KCNK2: variants seen among roughly 807,000 people sequenced by gnomAD.
KCNK2 encodes potassium channel subfamily K member 2.
In KCNK2, 21 loss-of-function variants were observed where a neutral mutation model predicts 40.5. The observed-to-expected ratio is 0.52, with a 90% CI of 0.37 to 0.75. The LOEUF is 0.75. Ranked by LOEUF, KCNK2 falls within the 30% of genes least tolerant of loss-of-function variation. KCNK2 has a pLI of 0.00. For synonymous variants in KCNK2, 191 were observed against 202.2 expected (o/e 0.94, Z 0.47); for missense variants, 399 against 531.6 (o/e 0.75, Z 2.45).
At chr1:215,215,393 T>A (rs1199864530) in intron 6 of KCNK2, among the ~76,000 whole-genome samples, 1 of 152,140 alleles carries the variant, frequency 6.6e-6, no homozygotes, top group Non-Finnish European at 1.5e-5. Context: ...AAACCCATTA[T>A]AACACAGCTC....
intron 6 of KCNK2, among the ~76,000 whole-genome samples, chr1:215,225,357 C>T (rs901671070): frequency 2.0e-5 from 3 of 152,268 alleles, no homozygotes; most frequent in Non-Finnish European, 4.4e-5. Context: ...CAAGATTATG[C>T]TATTAAAAAT....
intron 1 of KCNK2, among the ~76,000 whole-genome samples, chr1:215,006,592 T>A (rs1464968296): frequency 6.6e-6 from 1 of 152,166 alleles, no homozygotes; most frequent in Non-Finnish European, 1.5e-5. Flanking sequence ...AAGAATACTG[T>A]TGTGGTCTTA....
At chr1:215,026,854 G>A (rs537313943) in intron 1 of KCNK2, among the ~76,000 whole-genome samples, 94 of 152,014 alleles carry the variant, frequency 6.2e-4, no homozygotes, top group African/African-American at 2.1e-3. Flanking sequence ...ATATACATAC[G>A]TCCTTATCTT....
intron 6 of KCNK2, among the ~76,000 whole-genome samples, chr1:215,208,432 T>C (rs993962953): frequency 2.6e-5 from 4 of 152,256 alleles, no homozygotes; most frequent in South Asian, 2.1e-4. Context: ...TGATGAAATA[T>C]TCTGTACAAC....
chr1:215,114,611 A>T (rs967416645), intron 2 of KCNK2, among the ~76,000 whole-genome samples: 1 of 152,204 alleles, frequency 6.6e-6, no homozygotes, highest in African/African-American at 2.4e-5. Context: ...ATCAGTATGA[A>T]TCACTATGTT....
At chr1:215,014,999 C>A (rs10779633) in intron 1 of KCNK2, among the ~76,000 whole-genome samples, 85,339 of 151,944 alleles carry the variant, frequency 0.56, 25,649 homozygotes, top group South Asian at 0.78. Context: ...TGTAGAAGTC[C>A]GCTCCTTTCA....
At chr1:215,058,899 C>G (rs1413833570) in intron 1 of KCNK2, among the ~76,000 whole-genome samples, 2 of 152,096 alleles carry the variant, frequency 1.3e-5, no homozygotes, top group African/African-American at 4.8e-5. Flanking sequence ...TTAGAAGTCA[C>G]TCTCTGAGGG....
At chr1:215,223,190 G>T (rs1219411195) in intron 6 of KCNK2, among the ~76,000 whole-genome samples, 2 of 138,414 alleles carry the variant, frequency 1.4e-5, no homozygotes, top group South Asian at 2.3e-4. Context: ...GGTGGAAAAG[G>T]TTCCCCACAT....
chr1:215,125,756 AT>A lies in KCNK2; in HGVS notation c.475+1007del, dbSNP rs1344719497. Among the ~76,000 whole-genome samples the A allele has an allele frequency of 5.2e-3, 45 of 8,656 alleles. 1 individual carries two copies. The highest frequency in any genetic ancestry group is 0.011 in the Non-Finnish European group (34 of 3,176). 5.7% of individuals were successfully genotyped at this position (8,656 alleles called of 152,430 possible). On this transcript the variant is annotated intron_variant, in intron 3 of 6. Transcript: ENST00000444842. ...GTATAATAAATATATATATATATAT[AT>A]ATATATATATATATATATATAAAAT...
chr1:215,159,927 C>A (rs1056009782), intron 3 of KCNK2, among the ~76,000 whole-genome samples: 2 of 152,092 alleles, frequency 1.3e-5, no homozygotes, highest in Non-Finnish European at 2.9e-5. Context: ...ATAACTTAAA[C>A]CCATTTGTGA....
rs566097182 is a variant in KCNK2 at position 215,038,662 on chromosome 1, G to A, written c.34+32707G>A. ...ACAGAACCAATGGATTATACTTCTA[G>A]AACAGGGAAGCCTTTTCCTTTGTTC... On this transcript the variant is annotated intron_variant, in intron 1 of 6. Transcript: ENST00000391895. Among the ~76,000 whole-genome samples, 4 of 152,166 alleles carry A rather than the reference G, an allele frequency of 2.6e-5. No homozygotes were observed. In the East Asian group the frequency reaches 7.7e-4, roughly 29 times the overall value.
chr1:215,095,846 A>C (rs189141906), intron 2 of KCNK2, among the ~76,000 whole-genome samples: 197 of 152,202 alleles, frequency 1.3e-3, no homozygotes, highest in African/African-American at 4.6e-3. Context: ...AGGTCTGTAG[A>C]TGTGAAGGCA....
At chr1:215,173,686 A>G (rs1663823451) in intron 5 of KCNK2, among the ~76,000 whole-genome samples, 1 of 152,066 alleles carries the variant, frequency 6.6e-6, no homozygotes, top group Non-Finnish European at 1.5e-5. Flanking sequence ...ATGGTGTCTC[A>G]TTGTGGTTTT....
At chr1:215,216,597 T>C (rs1252114855) in intron 6 of KCNK2, among the ~76,000 whole-genome samples, 1 of 151,070 alleles carries the variant, frequency 6.6e-6, no homozygotes, top group Non-Finnish European at 1.5e-5. Flanking sequence ...AAGCCACACA[T>C]GTAATTTTTA....
At chr1:215,112,390 A>G (rs1660735232) in intron 2 of KCNK2, among the ~76,000 whole-genome samples, 1 of 152,068 alleles carries the variant, frequency 6.6e-6, no homozygotes, top group Non-Finnish European at 1.5e-5. Context: ...TAAAGATATA[A>G]AGAAAAAATA....
chr1:215,225,846 A>G (rs1666364798), intron 6 of KCNK2, among the ~76,000 whole-genome samples: 1 of 152,202 alleles, frequency 6.6e-6, no homozygotes, highest in African/African-American at 2.4e-5. Flanking sequence ...GTTGAACTTG[A>G]TAAGAAACAG....
chr1:215,070,871 G>A (rs187285367), intron 1 of KCNK2, among the ~76,000 whole-genome samples: 441 of 152,208 alleles, frequency 2.9e-3, no homozygotes, highest in African/African-American at 9.9e-3. Context: ...ATGCAATTAC[G>A]ATCAAATGTA....
intron 5 of KCNK2, among the ~76,000 whole-genome samples, chr1:215,172,719 C>T (rs995275054): frequency 1.7e-4 from 26 of 152,118 alleles, no homozygotes; most frequent in African/African-American, 6.0e-4. Context: ...TGCACTGGCA[C>T]GATATTGGCT....
intron 1 of KCNK2, among the ~76,000 whole-genome samples, chr1:215,010,882 GTGTGTGTGTGTGTGTA>G (rs1357036127): frequency 2.9e-5 from 4 of 136,966 alleles, no homozygotes; most frequent in Non-Finnish European, 4.8e-5. Context: ...GTGTGTGTGT[GTGTGTGTGTGTGTGTA>G]TGTGTGTGTA....
Sources: allele counts gnomAD v4.1 joint callset (sites outside exome capture counted in the v4.1 genomes callset), GRCh38; gene constraint gnomAD v4.1.1; transcripts MANE v1.5; gene names NCBI Gene and HGNC (gene_info 2026-07-23, HGNC 2026-07-21).